Variants in RANBP9 observed in about 807,000 individuals in gnomAD.
The protein encoded by RANBP9 is RAN binding protein 9, also known as ran-binding protein 9.
RANBP9 carries 15 observed loss-of-function variants against 84.3 expected under a neutral mutation model. The ratio of observed to expected loss-of-function variants is 0.18; its 90% CI spans 0.12 to 0.27. The LOEUF is 0.27. Ranked by LOEUF, RANBP9 falls within the 10% of genes least tolerant of loss-of-function variation. The pLI, the probability that RANBP9 is intolerant of heterozygous loss-of-function variation, is 1.00. For missense variants in RANBP9, 809 were observed against 912.8 expected (o/e 0.89, Z 1.46); for synonymous variants, 392 against 349.6 (o/e 1.12, Z -1.35).
At chr6:13,650,947 G>A (rs936286110) in intron 5 of RANBP9, among the ~76,000 whole-genome samples, 7 of 151,994 alleles carry the variant, frequency 4.6e-5, no homozygotes, top group African/African-American at 1.7e-4. Context: ...CTGGGTGACA[G>A]AGTGAGATCA....
At chr6:13,684,470 T>C (rs1452924704) in intron 2 of RANBP9, among the ~76,000 whole-genome samples, 1 of 152,254 alleles carries the variant, frequency 6.6e-6, no homozygotes, top group Non-Finnish European at 1.5e-5. Context: ...ACTACAATTG[T>C]TCTTCCAACT....
chr6:13,711,502 A>C lies in RANBP9; in HGVS notation c.4T>G (p.Ser2Ala). 8.0e-7 allele frequency: 1 copy of C among 1,248,708 alleles called. No individual in the cohort carries two copies. Among genetic ancestry groups the C allele is most frequent in the Non-Finnish European group, 1.0e-6 (1 of 994,770 alleles). The allele number at this position is 1,248,708 out of a possible 1,614,324, so 77.4% of individuals were successfully genotyped here. ...GGCGGCGGCGGCGGCGGCTGCCCGG[A>C]CATCCCGGCCGCGACTCAGCCTGCG... is the stretch of plus-strand genomic sequence containing the variant. M[S>A]GQPPPPPPQQ... The change falls in exon 1 of 14, where the codon TCC becomes GCC. Residue 2 changes from serine (S) to alanine (A), a missense_variant. By Grantham distance (99) the Ser-to-Ala change is moderately conservative. This residue lies in a region of RANBP9 where 302 missense variants were observed against 240.1 expected (regional missense o/e 1.26). Transcript: ENST00000011619.
At chr6:13,696,640 A>T in intron 2 of RANBP9, 145 bp downstream of exon 2, 1 of 594,038 alleles carries the variant, frequency 1.7e-6, no homozygotes, top group Non-Finnish European at 2.9e-6. Flanking sequence ...GCATAACCAG[A>T]TCCAATCTGT....
intron 5 of RANBP9, 64 bp downstream of exon 5, chr6:13,652,595 A>G: frequency 7.2e-7 from 1 of 1,379,960 alleles, no homozygotes; most frequent in Non-Finnish European, 1.0e-6. Flanking sequence ...AAATATGCCC[A>G]GTATCAGTTT....
chr6:13,679,248 CT>C (rs544381752), intron 2 of RANBP9, among the ~76,000 whole-genome samples: 183 of 152,304 alleles, frequency 1.2e-3, no homozygotes, highest in African/African-American at 4.2e-3. Flanking sequence ...CTGCATCTTT[CT>C]CCCATTACCT....
At chr6:13,697,961 T>C (rs1757879779) in intron 1 of RANBP9, among the ~76,000 whole-genome samples, 1 of 152,244 alleles carries the variant, frequency 6.6e-6, no homozygotes, top group Non-Finnish European at 1.5e-5. Context: ...ATGATTGTTT[T>C]AAAACTAAAT....
intron 1 of RANBP9, among the ~76,000 whole-genome samples, chr6:13,709,817 G>A (rs1276212621): frequency 1.3e-5 from 2 of 152,178 alleles, no homozygotes; most frequent in African/African-American, 4.8e-5. Flanking sequence ...TCCCGTATAA[G>A]TTAAGAATTT....
intron 1 of RANBP9, 98 bp downstream of exon 1, chr6:13,710,822 CCGAGGGCAGAGCCCG>C: frequency 8.2e-7 from 1 of 1,223,790 alleles, no homozygotes; most frequent in Non-Finnish European, 1.1e-6. Context: ...CGAGTGGCCT[CCGAGGGCAGAGCCCG>C]CGAGGGCGGG....
intron 9 of RANBP9, 133 bp downstream of exon 9, chr6:13,639,430 G>C (rs1375069854): frequency 1.1e-6 from 1 of 935,766 alleles, no homozygotes; most frequent in South Asian, 1.8e-5. Context: ...CGCCCACCCT[G>C]GCCTCCCAAA....
chr6:13,653,263 T>A (rs1765334821), intron 4 of RANBP9, among the ~76,000 whole-genome samples: 1 of 152,120 alleles, frequency 6.6e-6, no homozygotes, highest in Admixed American at 6.5e-5. Context: ...TTTTGCACAG[T>A]TTAGAATTTC....
chr6:13,671,041 A>T (rs1235663662), intron 2 of RANBP9, among the ~76,000 whole-genome samples: 1 of 152,162 alleles, frequency 6.6e-6, no homozygotes, highest in East Asian at 1.9e-4. Context: ...TTCTTCAAAG[A>T]TGTATAAATG....
chr6:13,661,696 A>G (rs886454345), intron 2 of RANBP9, among the ~76,000 whole-genome samples: 2 of 152,186 alleles, frequency 1.3e-5, no homozygotes, highest in Non-Finnish European at 2.9e-5. Context: ...TTTAGATAGT[A>G]ATTTTCCAGA....
chr6:13,640,859 T>C (rs945873233), intron 8 of RANBP9, among the ~76,000 whole-genome samples: 1 of 152,160 alleles, frequency 6.6e-6, no homozygotes. Context: ...GTAAATTTTA[T>C]GTATATTTTA....
At chr6:13,706,024 T>C (rs768364305) in intron 1 of RANBP9, among the ~76,000 whole-genome samples, 1 of 152,050 alleles carries the variant, frequency 6.6e-6, no homozygotes, top group Admixed American at 6.5e-5. Flanking sequence ...CAAGCGCTAA[T>C]GACTGGGGGT....
At chr6:13,642,802 CTA>C (rs1483170255) in intron 6 of RANBP9, among the ~76,000 whole-genome samples, 1 of 152,096 alleles carries the variant, frequency 6.6e-6, no homozygotes, top group Non-Finnish European at 1.5e-5. Flanking sequence ...ACTGCAAATG[CTA>C]TGTTGAGACT....
At chr6:13,623,027 A>G (rs751839925) in intron 13 of RANBP9, among the ~76,000 whole-genome samples, 6 of 152,204 alleles carry the variant, frequency 3.9e-5, no homozygotes, top group Non-Finnish European at 7.3e-5. Flanking sequence ...GAGAACATAC[A>G]GCAGAGCCAC....
chr6:13,695,414 T>TTG (rs1562321973), intron 2 of RANBP9, among the ~76,000 whole-genome samples: 1 of 150,882 alleles, frequency 6.6e-6, no homozygotes, highest in African/African-American at 2.4e-5. Context: ...TTTTTTTTTT[T>TTG]TTTTTTTTTT....
chr6:13,641,549 A>G (rs1318017592), intron 7 of RANBP9, among the ~76,000 whole-genome samples: 1 of 152,138 alleles, frequency 6.6e-6, no homozygotes, highest in Non-Finnish European at 1.5e-5. Context: ...TACGAGTAAT[A>G]TAGTTAAAAT....
intron 1 of RANBP9, among the ~76,000 whole-genome samples, chr6:13,706,655 T>C (rs1255550997): frequency 1.3e-5 from 2 of 148,740 alleles, no homozygotes; most frequent in Non-Finnish European, 3.0e-5. Context: ...ATGGCGCCAC[T>C]GTACTCCAGC....
Sources: allele counts gnomAD v4.1 joint callset (sites outside exome capture counted in the v4.1 genomes callset), GRCh38; gene constraint gnomAD v4.1.1; regional missense constraint gnomAD v4.1.1; transcripts MANE v1.5; gene names NCBI Gene and HGNC (gene_info 2026-07-23, HGNC 2026-07-21).